The following GALNT13 variants were observed in gnomAD, a reference collection of about 807,000 sequenced individuals.
The protein encoded by GALNT13 is UDP-GalNAc:polypeptide N-acetylgalactosaminyltransferase 13.
GALNT13 carries 28 observed loss-of-function variants against 64.2 expected under a neutral mutation model. That is an observed-to-expected ratio of 0.44 (90% CI 0.32 to 0.60). The LOEUF (loss-of-function observed/expected upper bound fraction) is 0.60. Among genes scored for constraint, GALNT13 ranks in the 20% least tolerant of loss-of-function variants. GALNT13 has a pLI of 0.05. For synonymous variants in GALNT13, 214 were observed against 224.6 expected (o/e 0.95, Z 0.42); for missense variants, 577 against 669.8 (o/e 0.86, Z 1.53).
Position 154,189,321 on chromosome 2 carries a change from A to G in GALNT13, c.311+48816A>G, listed in dbSNP as rs189313315. On this transcript the variant is annotated intron_variant, in intron 4 of 12. Coordinates refer to ENST00000392825, the MANE Select transcript of GALNT13 (RefSeq NM_052917.4). ...TATGTCCCCAAAATTCATATGTGGA[A>G]GCCCTAACTTCCAATGTCACTGTAT... 1.6e-4 allele frequency among the ~76,000 whole-genome samples: 24 copies of G among 152,260 alleles called. No homozygotes were observed. The East Asian group carries it at 3.5e-3, about 22-fold the overall frequency.
At chr2:154,091,087 G>C (rs1425389123) in intron 3 of GALNT13, among the ~76,000 whole-genome samples, 1 of 151,918 alleles carries the variant, frequency 6.6e-6, no homozygotes, top group Non-Finnish European at 1.5e-5. Flanking sequence ...ATAATATGCA[G>C]TAACTGACTC....
chr2:153,725,469 A>G, the GALNT13 span, among the ~76,000 whole-genome samples: 3 of 149,682 alleles, frequency 2.0e-5, no homozygotes, highest in African/African-American at 7.4e-5. Context: ...AAAAAAAATA[A>G]TAATAATAGT....
At chr2:153,449,197 G>A in the GALNT13 span, among the ~76,000 whole-genome samples, 1 of 152,104 alleles carries the variant, frequency 6.6e-6, no homozygotes, top group Non-Finnish European at 1.5e-5. Flanking sequence ...CTAGCCCCTA[G>A]AACTGTAAGA....
At chr2:153,916,116 CTTCCTTCCTTCG>C (rs1181937306) in intron 2 of GALNT13, among the ~76,000 whole-genome samples, 1 of 147,350 alleles carries the variant, frequency 6.8e-6, no homozygotes, top group Non-Finnish European at 1.5e-5. Context: ...TCCTTCCTCC[CTTCCTTCCTTCG>C]TTCCTTCCTT....
At position 154,451,771 on chromosome 2, in the gene GALNT13, T is replaced by TGCTA. The variant is rs978462179; in HGVS notation, c.*1222_*1225dup. The TGCTA allele has an allele frequency of 6.6e-6, 1 of 152,142 alleles. No homozygotes were observed. The highest frequency in any genetic ancestry group is 1.5e-5 in the Non-Finnish European group (1 of 68,020). 9.4% of individuals were successfully genotyped at this position (152,142 alleles called of 1,614,324 possible). ...TGAAAGTGAAAAAAAATCAGATTTTTGCTAGTAAGTTTTTATATTTGACAT... is the reference window on the plus strand; with the variant it reads ...TGAAAGTGAAAAAAAATCAGATTTTTGCTAGCTAGTAAGTTTTTATATTTGACAT... On this transcript the variant is annotated 3_prime_UTR_variant, in exon 13 of 13. Coordinates refer to ENST00000392825, the MANE Select transcript of GALNT13 (RefSeq NM_052917.4).
the GALNT13 span, among the ~76,000 whole-genome samples, chr2:153,455,729 C>A: frequency 2.0e-5 from 3 of 152,098 alleles, no homozygotes; most frequent in African/African-American, 7.2e-5. Flanking sequence ...TCAGTGAACC[C>A]TTTGCCTTTT....
intron 2 of GALNT13, among the ~76,000 whole-genome samples, chr2:153,907,562 T>G (rs909702526): frequency 6.6e-6 from 1 of 151,940 alleles, no homozygotes; most frequent in Non-Finnish European, 1.5e-5. Flanking sequence ...TGCCACCCTC[T>G]ATCCTAAGGT....
At chr2:154,306,177 G>C (rs1232242852) in intron 9 of GALNT13, among the ~76,000 whole-genome samples, 5 of 151,156 alleles carry the variant, frequency 3.3e-5, no homozygotes. Flanking sequence ...TATACTTTGA[G>C]TTCTGGGATA....
intron 4 of GALNT13, among the ~76,000 whole-genome samples, chr2:154,164,702 G>A (rs1214116747): frequency 2.0e-5 from 3 of 152,026 alleles, no homozygotes; most frequent in African/African-American, 4.8e-5. Context: ...ATAAGAAAAC[G>A]TGACGTGGCA....
chr2:154,172,492 T>A (rs1685413132), intron 4 of GALNT13, among the ~76,000 whole-genome samples: 1 of 152,032 alleles, frequency 6.6e-6, no homozygotes, highest in Non-Finnish European at 1.5e-5. Flanking sequence ...CTTTTCTGTC[T>A]TCATGACGTC....
the GALNT13 span, among the ~76,000 whole-genome samples, chr2:153,318,436 G>A: frequency 6.6e-6 from 1 of 152,150 alleles, no homozygotes; most frequent in African/African-American, 2.4e-5. Context: ...CAGAACAGGA[G>A]GTATTATGTA....
the GALNT13 span, among the ~76,000 whole-genome samples, chr2:153,608,454 T>C: frequency 2.6e-5 from 4 of 152,026 alleles, no homozygotes; most frequent in Non-Finnish European, 4.4e-5. Flanking sequence ...TTTTTAAAAG[T>C]ATACTCGCCA....
At chr2:153,536,608 T>C in the GALNT13 span, among the ~76,000 whole-genome samples, 50 of 152,346 alleles carry the variant, frequency 3.3e-4, no homozygotes, top group Non-Finnish European at 6.2e-4. Context: ...TTTTATTTTT[T>C]ACTATGAGAA....
chr2:154,154,977 C>A (rs1170711846), intron 4 of GALNT13, among the ~76,000 whole-genome samples: 1 of 149,468 alleles, frequency 6.7e-6, no homozygotes, highest in Non-Finnish European at 1.5e-5. Context: ...TATAAACATA[C>A]ATATACAAAG....
chr2:153,788,311 A>C, the GALNT13 span, among the ~76,000 whole-genome samples: 1 of 152,194 alleles, frequency 6.6e-6, no homozygotes, highest in Non-Finnish European at 1.5e-5. Flanking sequence ...AAAGAAAAGT[A>C]ACTCCAACCA....
intron 9 of GALNT13, among the ~76,000 whole-genome samples, chr2:154,322,171 T>C (rs976515486): frequency 1.4e-5 from 2 of 147,906 alleles, no homozygotes; most frequent in African/African-American, 5.0e-5. Context: ...TTTTTTTTTT[T>C]TTTGGTATTC....
chr2:153,081,738 A>G, the GALNT13 span, among the ~76,000 whole-genome samples: 1 of 152,202 alleles, frequency 6.6e-6, no homozygotes, highest in African/African-American at 2.4e-5. Context: ...CGCTATGTAC[A>G]TGTACCACAT....
the GALNT13 span, among the ~76,000 whole-genome samples, chr2:153,475,113 G>A: frequency 6.6e-6 from 1 of 152,236 alleles, no homozygotes; most frequent in Non-Finnish European, 1.5e-5. Context: ...TGTGGCCCCA[G>A]AAAGTGGTTG....
At chr2:153,445,267 C>T in the GALNT13 span, among the ~76,000 whole-genome samples, 2 of 151,990 alleles carry the variant, frequency 1.3e-5, no homozygotes, top group Non-Finnish European at 2.9e-5. Context: ...ATTATGCTTC[C>T]CCATATGAGA....
Sources: allele counts gnomAD v4.1 joint callset (sites outside exome capture counted in the v4.1 genomes callset), GRCh38; gene constraint gnomAD v4.1.1; transcripts MANE v1.5; gene names NCBI Gene and HGNC (gene_info 2026-07-23, HGNC 2026-07-21).